The following ATXN3 variants were observed in gnomAD, a reference collection of about 807,000 sequenced individuals.
ATXN3 encodes the protein ataxin 3, also known as ataxin-3.
In ATXN3, 28 loss-of-function variants were observed where a neutral mutation model predicts 58.2. That is an observed-to-expected ratio of 0.48 (90% confidence interval 0.36 to 0.66). ATXN3 has a LOEUF of 0.66. ATXN3 is among the 30% of genes least tolerant of loss of function. ATXN3 has a pLI of 0.00. For missense variants in ATXN3, 321 were observed against 422.1 expected (o/e 0.76, Z 2.10); for synonymous variants, 113 against 138.5 (o/e 0.82, Z 1.29).
At chr14:92,086,866 C>A (rs74071869) in intron 6 of ATXN3, among the ~76,000 whole-genome samples, 2 of 151,724 alleles carry the variant, frequency 1.3e-5, no homozygotes, top group African/African-American at 4.8e-5. Flanking sequence ...GAGATGAAAG[C>A]AGGAACATCT....
chr14:92,052,191 C>CA (rs2057451100), upstream of ATXN3, among the ~76,000 whole-genome samples: 2 of 151,388 alleles, frequency 1.3e-5, no homozygotes, highest in South Asian at 4.2e-4. Flanking sequence ...CTCCAAAAAA[C>CA]AAAAAAAATG....
downstream of ATXN3, among the ~76,000 whole-genome samples, chr14:92,056,272 C>T (rs1295236906): frequency 6.6e-6 from 1 of 152,162 alleles, no homozygotes; most frequent in African/African-American, 2.4e-5. Flanking sequence ...GATTATAGTA[C>T]CTGTCTGGTA....
intron 10 of ATXN3, among the ~76,000 whole-genome samples, chr14:92,067,701 G>C (rs1339243472): frequency 1.3e-5 from 2 of 152,180 alleles, no homozygotes; most frequent in African/African-American, 4.8e-5. Context: ...CCAGCTTAGT[G>C]ATTTTCAATT....
intron 2 of ATXN3, 176 bp from the exon 3 acceptor site, chr14:92,096,313 A>G: frequency 1.4e-6 from 2 of 1,474,502 alleles, no homozygotes; most frequent in Non-Finnish European, 1.8e-6. Flanking sequence ...TCCTTTTCTA[A>G]ATGGTATCCA....
At chr14:92,068,113 T>G (rs190049965) in intron 10 of ATXN3, among the ~76,000 whole-genome samples, 25 of 152,284 alleles carry the variant, frequency 1.6e-4, no homozygotes, top group Middle Eastern at 3.4e-3. Flanking sequence ...GAGAGATGCC[T>G]ATGTATTACT....
At chr14:92,067,323 C>A (rs990851667) in intron 10 of ATXN3, among the ~76,000 whole-genome samples, 1 of 152,202 alleles carries the variant, frequency 6.6e-6, no homozygotes, top group African/African-American at 2.4e-5. Flanking sequence ...CTGACTTTTG[C>A]CAAATTTGGG....
intron 3 of ATXN3, among the ~76,000 whole-genome samples, chr14:92,095,569 G>C (rs1595927971): frequency 6.6e-6 from 1 of 151,826 alleles, no homozygotes; most frequent in East Asian, 1.9e-4. Flanking sequence ...TTAGCATCCA[G>C]ATGCAAATTA....
intron 6 of ATXN3, among the ~76,000 whole-genome samples, chr14:92,085,098 A>G (rs893644287): frequency 1.3e-5 from 2 of 152,100 alleles, no homozygotes; most frequent in Non-Finnish European, 2.9e-5. Context: ...TCACCATGGT[A>G]TTCTATGAAG....
chr14:92,052,038 A>G (rs1423270513), upstream of ATXN3, among the ~76,000 whole-genome samples: 2 of 151,368 alleles, frequency 1.3e-5, no homozygotes, highest in African/African-American at 4.9e-5. Context: ...AAGAGTTTTA[A>G]CCACACCTCC....
At chr14:92,072,228 AATATACAC>A (rs2059571071) in intron 9 of ATXN3, among the ~76,000 whole-genome samples, 1 of 152,226 alleles carries the variant, frequency 6.6e-6, no homozygotes, top group Non-Finnish European at 1.5e-5. Flanking sequence ...GTACTTAGAA[AATATACAC>A]TGAACAACTG....
intron 9 of ATXN3, among the ~76,000 whole-genome samples, chr14:92,072,198 A>G (rs1368490446): frequency 6.6e-6 from 1 of 152,270 alleles, no homozygotes; most frequent in Non-Finnish European, 1.5e-5. Context: ...TATCATGTAA[A>G]TATGTAGGAA....
In ATXN3 at chr14:92,061,341, TCAAA is replaced by T. The variant is rs890377737; in HGVS notation, c.*2975_*2978del. 6.6e-5 allele frequency: 10 copies of T among 152,164 alleles called. No individual in the cohort carries two copies. The highest frequency in any genetic ancestry group is 8.8e-5 in the Non-Finnish European group (6 of 68,020). The allele number at this position is 152,164 out of a possible 1,614,324, so 9.4% of individuals were successfully genotyped here. A position where few individuals can be genotyped will look rare whatever the true frequency, so the allele number is the denominator to read the frequency against. On this transcript the variant is annotated 3_prime_UTR_variant, in exon 11 of 11. Transcript: ENST00000644486. Reference sequence around the variant, plus strand: ...ATAGAGTTTACCTGCAGCAGCCTTTTCAAACAGTTTATATTACTGAAATATTTAC... The same window carrying T: ...ATAGAGTTTACCTGCAGCAGCCTTTTCAGTTTATATTACTGAAATATTTAC...
chr14:92,071,718 T>G (rs989455068), intron 9 of ATXN3: 1 of 179,136 alleles, frequency 5.6e-6, no homozygotes, highest in South Asian at 1.2e-4. Flanking sequence ...TAAGTACCTT[T>G]GATCAGATAA....
intron 9 of ATXN3, among the ~76,000 whole-genome samples, chr14:92,074,735 T>C (rs1277106165): frequency 2.0e-5 from 3 of 152,220 alleles, no homozygotes; most frequent in African/African-American, 4.8e-5. Context: ...TTCTCAACAC[T>C]GTTTGATAAA....
chr14:92,093,899 T>A, intron 3 of ATXN3, 68 bp from the exon 4 acceptor site: 1 of 943,624 alleles, frequency 1.1e-6, no homozygotes, highest in Non-Finnish European at 1.7e-6. Flanking sequence ...AGTGTAGCTA[T>A]GTTAGTTGTG....
downstream of ATXN3, among the ~76,000 whole-genome samples, chr14:92,055,960 C>CA (rs201033403): frequency 1.0e-2 from 1,498 of 150,494 alleles, 21 homozygotes; most frequent in African/African-American, 0.033. The surrounding 1 kb of genome is among the most constrained non-coding windows in gnomAD (Gnocchi z 4.5). Context: ...GGCCCTGTCT[C>CA]AAAAAAAAAG....
intron 6 of ATXN3, among the ~76,000 whole-genome samples, chr14:92,087,373 C>A (rs1462848083): frequency 2.6e-5 from 4 of 152,152 alleles, no homozygotes. Flanking sequence ...ATCACTTGAG[C>A]CCAGGAGTTT....
intron 10 of ATXN3, among the ~76,000 whole-genome samples, chr14:92,067,959 A>C (rs559798134): frequency 2.0e-5 from 3 of 152,276 alleles, no homozygotes; most frequent in Admixed American, 2.0e-4. Context: ...CATCTCTCTG[A>C]CTGGGAGGGA....
chr14:92,089,238 C>CA (rs2140958037), intron 5 of ATXN3, among the ~76,000 whole-genome samples: 1 of 150,850 alleles, frequency 6.6e-6, no homozygotes, highest in East Asian at 2.0e-4. Flanking sequence ...AGGCTGGTCT[C>CA]AAACTCCTGA....
Sources: gnomAD v4.1 joint callset for allele counts (sites outside exome capture counted in the v4.1 genomes callset) on GRCh38, gnomAD v4.1.1 for gene constraint, Gnocchi (gnomAD v3.1) non-coding constraint, MANE v1.5 for transcripts, NCBI Gene and HGNC (gene_info 2026-07-23, HGNC 2026-07-21) for gene names.